The following CPED1 variants were observed in gnomAD, a reference collection of about 807,000 sequenced individuals.
CPED1 encodes the protein cadherin-like and PC-esterase domain-containing protein 1.
In CPED1, 114 loss-of-function variants were observed where a neutral mutation model predicts 128.2. The observed-to-expected ratio is 0.89, with a 90% confidence interval of 0.76 to 1.04. The LOEUF (loss-of-function observed/expected upper bound fraction) is 1.04, where lower values mean the gene tolerates loss of function less well. Among genes scored for constraint, CPED1 ranks in the 50% least tolerant of loss-of-function variants. The probability of loss-of-function intolerance (pLI) is 0.00; values close to 1 mark genes in which losing one functional copy is unlikely to be tolerated. For synonymous variants in CPED1, 462 were observed against 426.7 expected (o/e 1.08, Z -1.02); for missense variants, 1,211 against 1,207.1 (o/e 1.00, Z -0.05).
chr7:121,142,380 A>T (rs1584543582), intron 16 of CPED1, among the ~76,000 whole-genome samples: 1 of 151,922 alleles, frequency 6.6e-6, no homozygotes, highest in African/African-American at 2.4e-5. Context: ...TATTGTGGTT[A>T]ATGTTCAAAA....
At chr7:121,246,626 A>C (rs1274099211) in intron 18 of CPED1, among the ~76,000 whole-genome samples, 2 of 152,128 alleles carry the variant, frequency 1.3e-5, no homozygotes, top group Non-Finnish European at 2.9e-5. Flanking sequence ...AAAGACCTCT[A>C]CCTCCTAATA....
At position 121,007,967 on chromosome 7, in the gene CPED1, GTTTTC is replaced by G. The variant is rs3067977; in HGVS notation, c.250-7684_250-7680del. On this transcript the variant is annotated intron_variant, in intron 2 of 22. Transcript: ENST00000310396. ...TTTAGTGACTCAGGTTACTTTCACT[GTTTTC>G]TTTTCTTTTCTTTCTTTCTTTCTTT... 6.0e-5 allele frequency among the ~76,000 whole-genome samples: 9 copies of G among 150,694 alleles called. No homozygotes were observed. In the South Asian group the frequency reaches 6.3e-4, roughly 11 times the overall value.
chr7:121,016,865 T>C (rs1358625779), intron 3 of CPED1, among the ~76,000 whole-genome samples: 3 of 152,194 alleles, frequency 2.0e-5, no homozygotes, highest in Admixed American at 1.3e-4. Context: ...AGTTAAGTGC[T>C]CTCAGCCATT....
chr7:121,113,951 C>T (rs1373006832), intron 7 of CPED1, among the ~76,000 whole-genome samples: 1 of 152,106 alleles, frequency 6.6e-6, no homozygotes, highest in Admixed American at 6.5e-5. Context: ...GCCTCAGCCT[C>T]CTGAGTAGCC....
intron 16 of CPED1, among the ~76,000 whole-genome samples, chr7:121,198,920 G>A (rs575522061): frequency 1.3e-5 from 2 of 152,268 alleles, no homozygotes; most frequent in African/African-American, 4.8e-5. Flanking sequence ...TAGTGATTCT[G>A]ACTTCTGCTT....
chr7:121,284,552 T>A (rs1792526572), intron 22 of CPED1, among the ~76,000 whole-genome samples: 1 of 152,124 alleles, frequency 6.6e-6, no homozygotes. Flanking sequence ...ACTTCCTAGA[T>A]AAAATGGGGG....
At chr7:121,139,064 T>C (rs1290735473) in intron 14 of CPED1, among the ~76,000 whole-genome samples, 1 of 152,078 alleles carries the variant, frequency 6.6e-6, no homozygotes, top group Non-Finnish European at 1.5e-5. Flanking sequence ...ATTTCTGCCT[T>C]CATTCTTTTT....
At chr7:121,040,668 A>G (rs1045199566) in intron 3 of CPED1, among the ~76,000 whole-genome samples, 1 of 152,014 alleles carries the variant, frequency 6.6e-6, no homozygotes, top group Non-Finnish European at 1.5e-5. Context: ...TTGTGAAAAG[A>G]AGGGTAATAC....
At chr7:121,157,119 TACTA>T (rs1205262636) in intron 16 of CPED1, among the ~76,000 whole-genome samples, 2 of 152,232 alleles carry the variant, frequency 1.3e-5, no homozygotes, top group South Asian at 2.1e-4. Flanking sequence ...GGATTGGCAT[TACTA>T]ACCACCACCC....
chr7:121,030,963 T>C lies in CPED1; in HGVS notation c.433+15115T>C, dbSNP rs139670850. On this transcript the variant is annotated intron_variant, in intron 3 of 22. Transcript: ENST00000310396. ...TCTATTTCAAAGATGAATTGAGGTT[T>C]AGGCAGTCATATATCCAAAGCAGTT... is the stretch of plus-strand genomic sequence containing the variant. 2.6e-3 allele frequency among the ~76,000 whole-genome samples: 403 copies of C among 152,334 alleles called. 1 individual carries two copies. The highest frequency in any genetic ancestry group is 9.2e-3 in the African/African-American group (384 of 41,584).
chr7:121,027,348 G>A (rs1792617566), intron 3 of CPED1, among the ~76,000 whole-genome samples: 1 of 151,876 alleles, frequency 6.6e-6, no homozygotes, highest in African/African-American at 2.4e-5. Context: ...GTGAAGCAGG[G>A]AGTATTTCAT....
intron 22 of CPED1, among the ~76,000 whole-genome samples, chr7:121,282,892 T>C (rs772904882): frequency 3.0e-4 from 45 of 152,316 alleles, no homozygotes; most frequent in Admixed American, 7.2e-4. Flanking sequence ...AATTACTCCA[T>C]GTGTTTCCTG....
chr7:121,056,753 T>G (rs1793509444), intron 4 of CPED1, among the ~76,000 whole-genome samples: 2 of 152,234 alleles, frequency 1.3e-5, no homozygotes, highest in African/African-American at 4.8e-5. Flanking sequence ...GTTTGCTCTC[T>G]AATTCTCTTT....
At chr7:121,122,880 T>A (rs1298271722) in intron 7 of CPED1, among the ~76,000 whole-genome samples, 1 of 152,182 alleles carries the variant, frequency 6.6e-6, no homozygotes, top group Non-Finnish European at 1.5e-5. Flanking sequence ...ATTTATCTTA[T>A]CTCATATGCT....
intron 16 of CPED1, among the ~76,000 whole-genome samples, chr7:121,200,486 T>C (rs1211738785): frequency 1.3e-5 from 2 of 152,064 alleles, no homozygotes; most frequent in Non-Finnish European, 2.9e-5. Context: ...AAATAAGTGA[T>C]GTAGGAATTT....
intron 22 of CPED1, among the ~76,000 whole-genome samples, chr7:121,287,583 G>C (rs1376128876): frequency 6.6e-6 from 1 of 152,116 alleles, no homozygotes; most frequent in East Asian, 1.9e-4. Flanking sequence ...AGTGACTAAT[G>C]AATACCTGGT....
rs141186627 is a variant in CPED1 at position 121,163,613 on chromosome 7, C to A, written c.2055+21472C>A. On this transcript the variant is annotated intron_variant, in intron 16 of 22. Coordinates refer to ENST00000310396, the MANE Select transcript of CPED1 (RefSeq NM_024913.5). ...ATTTGAAATCTTACAGTGGGGCATC[C>A]AGTTAGCCACATTTAAATCACATGT... is the stretch of plus-strand genomic sequence containing the variant. 5.9e-5 allele frequency among the ~76,000 whole-genome samples: 9 copies of A among 152,306 alleles called. No individual in the cohort carries two copies. The East Asian group carries it at 1.5e-3, about 26-fold the overall frequency.
At chr7:121,231,956 G>A (rs567368102) in intron 16 of CPED1, among the ~76,000 whole-genome samples, 1 of 152,230 alleles carries the variant, frequency 6.6e-6, no homozygotes, top group East Asian at 1.9e-4. Context: ...GTGAAATGGA[G>A]AGAATGACAA....
chr7:121,119,236 T>TA (rs1795324656), intron 7 of CPED1, among the ~76,000 whole-genome samples: 1 of 52,020 alleles, frequency 1.9e-5, no homozygotes, highest in African/African-American at 4.6e-5. Context: ...CTAAAAAAGA[T>TA]ATTTTTTTTT....
Sources: allele counts gnomAD v4.1 joint callset (sites outside exome capture counted in the v4.1 genomes callset), GRCh38; gene constraint gnomAD v4.1.1; transcripts MANE v1.5; gene names NCBI Gene and HGNC (gene_info 2026-07-23, HGNC 2026-07-21).